Variants in TMEM255A observed in about 807,000 individuals in gnomAD.
TMEM255A encodes family with sequence similarity 70, member A.
TMEM255A carries 14 observed loss-of-function variants against 23.5 expected under a neutral mutation model. That is an observed-to-expected ratio of 0.60 (90% CI 0.39 to 0.93). TMEM255A has a LOEUF of 0.93. TMEM255A is among the 40% of genes least tolerant of loss of function. The probability of loss-of-function intolerance (pLI) is 0.00; values close to 1 mark genes in which losing one functional copy is unlikely to be tolerated. For synonymous variants in TMEM255A, 104 were observed against 100.3 expected, an observed-to-expected ratio of 1.04 and a Z score of -0.22; for missense variants, 233 against 261.7, an observed-to-expected ratio of 0.89 and a Z score of 0.76.
intron 3 of TMEM255A, among the ~76,000 whole-genome samples, chrX:120,292,011 A>T: frequency 9.0e-6 from 1 of 111,260 alleles, no homozygotes; most frequent in Non-Finnish European, 1.9e-5. Flanking sequence ...TATTTTTAAA[A>T]TTTTTAAATT....
At chrX:120,301,577 C>T (rs149184999) in intron 2 of TMEM255A, among the ~76,000 whole-genome samples, 95 of 110,811 alleles carry the variant, frequency 8.6e-4, no homozygotes, top group Non-Finnish European at 1.5e-3. Context: ...ATTAGACTCC[C>T]CCCACCCCCC....
At chrX:120,297,032 A>C (rs377542129) in intron 2 of TMEM255A, among the ~76,000 whole-genome samples, 10 of 3,182 alleles carry the variant, frequency 3.1e-3, no homozygotes, top group African/African-American at 0.016. Flanking sequence ...ATATATATAT[A>C]ATATATAATA....
chrX:120,265,957 A>G (rs957634113), intron 8 of TMEM255A, among the ~76,000 whole-genome samples: 1 of 98,261 alleles, frequency 1.0e-5, no homozygotes, highest in Non-Finnish European at 2.0e-5. Context: ...AGCCTGGCCA[A>G]CATGGTGAAA....
At chrX:120,271,667 C>G (rs2147185761) in intron 7 of TMEM255A, among the ~76,000 whole-genome samples, 1 of 107,681 alleles carries the variant, frequency 9.3e-6, no homozygotes, top group African/African-American at 3.4e-5. Context: ...TGGATATCCA[C>G]ATGAAAAAGA....
chrX:120,286,214 G>C (rs1457830542), intron 5 of TMEM255A, among the ~76,000 whole-genome samples: 3 of 112,146 alleles, frequency 2.7e-5, no homozygotes, highest in Admixed American at 9.4e-5. Flanking sequence ...CTTACTCCAA[G>C]GGCACCCATT....
chrX:120,254,334 A>T, downstream of TMEM255A: 1 of 1,211,871 alleles, frequency 8.3e-7, no homozygotes, highest in Non-Finnish European at 1.1e-6. Flanking sequence ...CTCTTCAATC[A>T]ATTTACTTGT....
chrX:120,302,510 C>G (rs1195500814), intron 2 of TMEM255A, among the ~76,000 whole-genome samples: 2 of 104,946 alleles, frequency 1.9e-5, no homozygotes, highest in Non-Finnish European at 3.9e-5. Context: ...CCCCGACCCC[C>G]CACCGGCTTT....
At position 120,281,023 on chromosome X, in the gene TMEM255A, T is replaced by G. The variant is rs782258962; in HGVS notation, c.513-3976A>C. Among the ~76,000 whole-genome samples the G allele has an allele frequency of 4.0e-4, 45 of 112,556 alleles. No homozygotes were observed. In the Admixed American group the frequency reaches 4.0e-3, roughly 10 times the overall value. On this transcript the variant is annotated intron_variant, in intron 6 of 8. Coordinates refer to ENST00000371369, the MANE Select transcript of TMEM255A (RefSeq NM_001104544.3). ...TTGGCACTTTGTATATATCAATAAT[T>G]CAGTTATTTATTTAATCTAATATGT... is the stretch of plus-strand genomic sequence containing the variant.
At chrX:120,306,483 C>T (rs1018056757) in intron 1 of TMEM255A, among the ~76,000 whole-genome samples, 12 of 111,657 alleles carry the variant, frequency 1.1e-4, no homozygotes, top group African/African-American at 3.9e-4. Flanking sequence ...AACTTACCAA[C>T]ATTGCCTCCC....
chrX:120,260,700 T>C lies in TMEM255A; in HGVS notation c.*170A>G, dbSNP rs1222018063. On this transcript the variant is annotated 3_prime_UTR_variant, in exon 9 of 9. Coordinates refer to ENST00000371369, the MANE Select transcript of TMEM255A (RefSeq NM_001104544.3). The stretch of plus-strand genomic sequence containing the variant: ...GTGCTGCGTTCAGCCTGACCACCCC[T>C]GCTCTGCACTAATAATGAATAAGCT... 2 of 632,467 alleles carry C rather than the reference T, an allele frequency of 3.2e-6. No individual in the cohort carries two copies. The highest frequency in any genetic ancestry group is 4.6e-6 in the Non-Finnish European group (2 of 437,613). 52.1% of individuals were successfully genotyped at this position (632,467 alleles called of 1,213,427 possible).
chrX:120,284,536 G>A (rs1490759220), intron 6 of TMEM255A, among the ~76,000 whole-genome samples: 8 of 104,770 alleles, frequency 7.6e-5, no homozygotes, highest in East Asian at 3.1e-4. Context: ...GCACGTGCAC[G>A]CACACACACA....
intron 6 of TMEM255A, 139 bp from the exon 7 acceptor site, chrX:120,277,186 C>T (rs972998585): frequency 1.8e-5 from 8 of 456,205 alleles, no homozygotes; most frequent in Admixed American, 3.9e-5. Context: ...CAGTAAGAGA[C>T]ATCATAGCCA....
In TMEM255A at chrX:120,311,121, C is replaced by T. The variant is rs782392114; in HGVS notation, c.58+131G>A. On this transcript the variant is annotated intron_variant, in intron 1 of 8. Transcript: ENST00000371369. ...CTGGTCCACCACCCAGACGCTGGGG[C>T]GCGAAGACCACCCCATCCATGCCCC... 1.5e-3 allele frequency: 854 copies of T among 588,749 alleles called. 3 individuals carry two copies. The highest frequency in any genetic ancestry group is 2.0e-3 in the Non-Finnish European group (742 of 366,425). 48.5% of individuals were successfully genotyped at this position (588,749 alleles called of 1,213,427 possible). A position where few individuals can be genotyped will look rare whatever the true frequency, so the allele number is the denominator to read the frequency against.
At chrX:120,300,554 A>ATTTTT (rs368966488) in intron 2 of TMEM255A, among the ~76,000 whole-genome samples, 39 of 74,169 alleles carry the variant, frequency 5.3e-4, no homozygotes, top group African/African-American at 1.5e-3. Context: ...GGCCAGGCTA[A>ATTTTT]TTTTTTTTTT....
chrX:120,284,934 G>A (rs985259765), intron 6 of TMEM255A, among the ~76,000 whole-genome samples, 193 bp downstream of exon 6: 2 of 112,309 alleles, frequency 1.8e-5, no homozygotes, highest in Non-Finnish European at 1.9e-5. Context: ...AATTAAATGA[G>A]ATCAAGTATG....
chrX:120,282,812 G>A (rs781806999), intron 6 of TMEM255A, among the ~76,000 whole-genome samples: 5 of 112,010 alleles, frequency 4.5e-5, no homozygotes, highest in African/African-American at 1.6e-4. Context: ...TTTAAAGTAG[G>A]GTTTTGTGTA....
At chrX:120,270,295 TTG>T (rs372856986) in intron 7 of TMEM255A, among the ~76,000 whole-genome samples, 3,428 of 107,179 alleles carry the variant, frequency 0.032, 124 homozygotes, top group African/African-American at 0.11. Flanking sequence ...GAGTGTGTGT[TTG>T]TGTGTGTGTG....
At chrX:120,297,464 T>C (rs2058004726) in intron 2 of TMEM255A, among the ~76,000 whole-genome samples, 1 of 108,417 alleles carries the variant, frequency 9.2e-6, no homozygotes, top group African/African-American at 3.4e-5. Context: ...TATTGAGTCA[T>C]GGCTGGAAGA....
intron 7 of TMEM255A, among the ~76,000 whole-genome samples, chrX:120,270,532 T>C (rs1332240244): frequency 9.0e-6 from 1 of 111,691 alleles, no homozygotes; most frequent in Non-Finnish European, 1.9e-5. Flanking sequence ...TCCAGTTTAC[T>C]CTAAACCAGC....
Sources: allele counts gnomAD v4.1 joint callset (sites outside exome capture counted in the v4.1 genomes callset), GRCh38; gene constraint gnomAD v4.1.1; transcripts MANE v1.5; gene names NCBI Gene and HGNC (gene_info 2026-07-23, HGNC 2026-07-21).